PRKAA2: variants seen among roughly 807,000 people sequenced by gnomAD.
PRKAA2 encodes 5'-AMP-activated protein kinase catalytic subunit alpha-2.
PRKAA2 carries 40 observed loss-of-function variants against 56.3 expected under a neutral mutation model. The ratio of observed to expected loss-of-function variants is 0.71; its 90% CI spans 0.55 to 0.92. PRKAA2 has a LOEUF of 0.92. Ranked by LOEUF, PRKAA2 falls within the 40% of genes least tolerant of loss-of-function variation. PRKAA2 has a pLI of 0.00. For synonymous variants in PRKAA2, 214 were observed against 234.2 expected (o/e 0.91, Z 0.79); for missense variants, 542 against 686.9 (o/e 0.79, Z 2.36).
chr1:56,658,744 T>A (rs929946794), intron 1 of PRKAA2, among the ~76,000 whole-genome samples: 2 of 151,778 alleles, frequency 1.3e-5, no homozygotes, highest in Admixed American at 6.6e-5. Flanking sequence ...GCCTTCTTTT[T>A]TTTTTCTTTT....
intron 4 of PRKAA2, among the ~76,000 whole-genome samples, chr1:56,693,232 CTTAT>C (rs1644240089): frequency 6.6e-6 from 1 of 152,032 alleles, no homozygotes; most frequent in South Asian, 2.1e-4. Flanking sequence ...AATCATGAAA[CTTAT>C]TTATTACTAT....
intron 1 of PRKAA2, among the ~76,000 whole-genome samples, chr1:56,655,280 A>ATATATATATATATAT: frequency 6.6e-4 from 62 of 93,654 alleles, no homozygotes; most frequent in African/African-American, 2.1e-3. Flanking sequence ...ATATATATAT[A>ATATATATATATATAT]TTTTTTTTTT....
chr1:56,668,284 G>A, intron 1 of PRKAA2, among the ~76,000 whole-genome samples: 1 of 142,070 alleles, frequency 7.0e-6, no homozygotes, highest in Non-Finnish European at 1.5e-5. Context: ...GGAGGGGGGA[G>A]GGATAGCATT....
intron 4 of PRKAA2, 137 bp downstream of exon 4, chr1:56,692,639 CTTTT>C: frequency 1.5e-6 from 1 of 672,854 alleles, no homozygotes. Flanking sequence ...TCCTCAGTAG[CTTTT>C]TTTTTTCATT....
intron 2 of PRKAA2, among the ~76,000 whole-genome samples, chr1:56,679,626 G>A (rs756814606): frequency 1.5e-4 from 23 of 151,968 alleles, no homozygotes; most frequent in Non-Finnish European, 2.8e-4. Flanking sequence ...GCTCTGTCAG[G>A]TTACCATCTT....
intron 1 of PRKAA2, among the ~76,000 whole-genome samples, chr1:56,670,315 A>G (rs1254075907): frequency 6.6e-6 from 1 of 152,200 alleles, no homozygotes; most frequent in Non-Finnish European, 1.5e-5. Context: ...CTGTCTTGTA[A>G]AAGTCTGAGC....
At chr1:56,645,870 C>T (rs1242871413) in intron 1 of PRKAA2, among the ~76,000 whole-genome samples, 1 of 152,164 alleles carries the variant, frequency 6.6e-6, no homozygotes, top group Non-Finnish European at 1.5e-5. Flanking sequence ...AGGCTTAGGG[C>T]GGGGATCATC....
chr1:56,648,828 C>T (rs1199199048), intron 1 of PRKAA2, among the ~76,000 whole-genome samples: 2 of 152,158 alleles, frequency 1.3e-5, no homozygotes, highest in African/African-American at 4.8e-5. Flanking sequence ...CATTGTCTCA[C>T]GTAATTACTA....
At chr1:56,662,788 G>A (rs567450616) in intron 1 of PRKAA2, among the ~76,000 whole-genome samples, 1 of 151,818 alleles carries the variant, frequency 6.6e-6, no homozygotes, top group Non-Finnish European at 1.5e-5. Context: ...AGGAAACAAA[G>A]TCAGAAGGAG....
intron 2 of PRKAA2, among the ~76,000 whole-genome samples, chr1:56,689,082 C>T (rs1644210675): frequency 6.6e-6 from 1 of 152,038 alleles, no homozygotes; most frequent in African/African-American, 2.4e-5. Flanking sequence ...TCAGAAATGG[C>T]AGCTAAATTT....
chr1:56,674,330 A>G, intron 1 of PRKAA2, 51 bp from the exon 2 acceptor site: 1 of 1,427,304 alleles, frequency 7.0e-7, no homozygotes, highest in South Asian at 1.5e-5. Context: ...GCATGAATAA[A>G]TGATTATGTT....
Position 56,708,460 on chromosome 1 carries a change from A to G in PRKAA2, c.*747A>G, listed in dbSNP as rs1003115437. The G allele has an allele frequency of 2.0e-5, 3 of 152,238 alleles. No individual in the cohort carries two copies. The highest frequency in any genetic ancestry group is 4.4e-5 in the Non-Finnish European group (3 of 68,038). 9.4% of individuals were successfully genotyped at this position (152,238 alleles called of 1,614,324 possible). ...AATTGCAACAACTTTTGTCTTTTAC[A>G]TAAACTTACGTCATTTAAAAAATGT... is the stretch of plus-strand genomic sequence containing the variant. On this transcript the variant is annotated 3_prime_UTR_variant, in exon 9 of 9. Transcript: ENST00000371244.
intron 8 of PRKAA2, 45 bp downstream of exon 8, chr1:56,706,263 G>A: frequency 6.3e-7 from 1 of 1,589,704 alleles, no homozygotes; most frequent in Non-Finnish European, 8.5e-7. Flanking sequence ...ATAAAACTTG[G>A]CACTAGTTGA....
At chr1:56,663,701 G>A (rs1017300428) in intron 1 of PRKAA2, among the ~76,000 whole-genome samples, 30 of 152,092 alleles carry the variant, frequency 2.0e-4, no homozygotes, top group African/African-American at 6.3e-4. Flanking sequence ...CTATGATGTC[G>A]GCTGTCATTT....
intron 6 of PRKAA2, among the ~76,000 whole-genome samples, chr1:56,697,005 G>A (rs529513742): frequency 5.4e-3 from 150 of 27,548 alleles, no homozygotes; most frequent in African/African-American, 0.017. Flanking sequence ...TCATTAGCCA[G>A]CAAAGAATTT....
intron 1 of PRKAA2, among the ~76,000 whole-genome samples, chr1:56,663,577 T>C (rs1179628656): frequency 5.3e-5 from 8 of 152,228 alleles, no homozygotes; most frequent in Non-Finnish European, 5.9e-5. Flanking sequence ...TTGAGAGCTC[T>C]GCTCTTGTCT....
chr1:56,695,204 T>TATATATATATATATATA (rs559299252), intron 5 of PRKAA2, among the ~76,000 whole-genome samples: 9 of 139,710 alleles, frequency 6.4e-5, no homozygotes, highest in African/African-American at 2.0e-4. Context: ...ATATATATAT[T>TATATATATATATATATA]TTTTGTTTTG....
chr1:56,671,196 C>T (rs1426634012), intron 1 of PRKAA2, among the ~76,000 whole-genome samples: 9 of 152,188 alleles, frequency 5.9e-5, no homozygotes, highest in Non-Finnish European at 1.5e-5. Flanking sequence ...ATTCAGCTTT[C>T]AGGTGGAATG....
Position 56,709,374 on chromosome 1 carries a change from C to T in PRKAA2, c.*1661C>T, listed in dbSNP as rs1417685286. 6.6e-6 allele frequency: 1 copy of T among 152,072 alleles called. No homozygotes were observed. 9.4% of individuals were successfully genotyped at this position (152,072 alleles called of 1,614,324 possible). ...AACTGATGTTAAATAACTTATAAGT[C>T]CAACTTCTTAATATCAAGATAAATG... On this transcript the variant is annotated 3_prime_UTR_variant, in exon 9 of 9. Coordinates refer to ENST00000371244, the MANE Select transcript of PRKAA2 (RefSeq NM_006252.4).
Sources: allele counts gnomAD v4.1 joint callset (sites outside exome capture counted in the v4.1 genomes callset), GRCh38; gene constraint gnomAD v4.1.1; transcripts MANE v1.5; gene names NCBI Gene and HGNC (gene_info 2026-07-23, HGNC 2026-07-21).